The following AGAP1 variants were observed in gnomAD, a reference collection of about 807,000 sequenced individuals.
The protein encoded by AGAP1 is ArfGAP with GTPase domain, ankyrin repeat and PH domain 1, also known as arf-GAP with GTPase, ANK repeat and PH domain-containing protein 1.
AGAP1 carries 29 observed loss-of-function variants against 105.3 expected under a neutral mutation model. The observed-to-expected ratio is 0.28, with a 90% confidence interval of 0.21 to 0.38. The LOEUF (loss-of-function observed/expected upper bound fraction) is 0.38, where lower values mean the gene tolerates loss of function less well. Among genes scored for constraint, AGAP1 ranks in the 10% least tolerant of loss-of-function variants. The probability of loss-of-function intolerance (pLI) is 1.00; values close to 1 mark genes in which losing one functional copy is unlikely to be tolerated. For synonymous variants in AGAP1, 509 were observed against 485.9 expected (o/e 1.05, Z -0.63); for missense variants, 998 against 1,165.1 (o/e 0.86, Z 2.09).
chr2:236,035,828 A>T lies in AGAP1; in HGVS notation c.1646-733A>T, dbSNP rs564761283. Among the ~76,000 whole-genome samples, 1 of 152,316 alleles carries T rather than the reference A, an allele frequency of 6.6e-6. No individual in the cohort carries two copies. Among genetic ancestry groups the T allele is most frequent in the South Asian group, 2.1e-4 (1 of 4,828 alleles). On this transcript the variant is annotated intron_variant, in intron 13 of 17. Coordinates refer to ENST00000304032, the MANE Select transcript of AGAP1 (RefSeq NM_001037131.3). The surrounding 1 kb of genome is among the most constrained non-coding windows in gnomAD (Gnocchi z 4.2). ...TGGAACTAGCAGAAAAGCATTAGAC[A>T]GTCGGTGCCCTTTTCCTTCATTTTA...
intron 9 of AGAP1, among the ~76,000 whole-genome samples, chr2:235,852,193 A>C (rs1216514017): frequency 2.6e-5 from 4 of 152,248 alleles, no homozygotes; most frequent in African/African-American, 4.8e-5. Flanking sequence ...ACTCGGGAAG[A>C]GGAAAAACGG....
At position 236,114,564 on chromosome 2, in the gene AGAP1, G is replaced by T. The variant is rs140649033; in HGVS notation, c.2115-5628G>T. ...AGTCTGGAGTCAGGGTGCCCGCAGGGTTGGTTCTGGTGAGACCTCTCTCCC... is the reference window on the plus strand; with the variant it reads ...AGTCTGGAGTCAGGGTGCCCGCAGGTTTGGTTCTGGTGAGACCTCTCTCCC... On this transcript the variant is annotated intron_variant, in intron 16 of 17. Transcript: ENST00000304032. This position sits in a 1 kb window ranked among gnomAD's most constrained non-coding sequence, Gnocchi z 5.0. Among the ~76,000 whole-genome samples the T allele has an allele frequency of 6.6e-6, 1 of 152,314 alleles. No individual in the cohort carries two copies. Among genetic ancestry groups the T allele is most frequent in the African/African-American group, 2.4e-5 (1 of 41,570 alleles).
At chr2:235,542,748 T>A (rs1172735839) in intron 1 of AGAP1, among the ~76,000 whole-genome samples, 2 of 152,220 alleles carry the variant, frequency 1.3e-5, no homozygotes, top group African/African-American at 4.8e-5. Flanking sequence ...TCAATCTCTA[T>A]GTAAGTAATA....
intron 9 of AGAP1, among the ~76,000 whole-genome samples, chr2:235,849,407 T>C (rs1177618212): frequency 6.6e-6 from 1 of 152,202 alleles, no homozygotes; most frequent in Non-Finnish European, 1.5e-5. Flanking sequence ...CGAAATCAAA[T>C]GTAAAAGTGA....
At position 235,874,297 on chromosome 2, in the gene AGAP1, C is replaced by T. The variant is rs111388544; in HGVS notation, c.1051-9048C>T. ...ATCTCCTGACCTTGTGATCTGCCGG[C>T]CTCGGCCTCCCAAAGTGCTGGGGTT... On this transcript the variant is annotated intron_variant, in intron 9 of 17. Transcript: ENST00000304032. The surrounding 1 kb of genome is among the most constrained non-coding windows in gnomAD (Gnocchi z 4.5). Among the ~76,000 whole-genome samples the T allele has an allele frequency of 0.022, 3,331 of 152,252 alleles. 112 individuals carry two copies. Among genetic ancestry groups the T allele is most frequent in the African/African-American group, 0.076 (3,173 of 41,532 alleles).
intron 15 of AGAP1, 101 bp from the exon 16 acceptor site, chr2:236,048,958 G>T: frequency 8.7e-7 from 1 of 1,148,754 alleles, no homozygotes; most frequent in South Asian, 1.4e-5. Context: ...TGGTTCTGTC[G>T]TTGTGAAGTT....
Position 235,633,512 on chromosome 2 carries a change from G to A in AGAP1, c.164-75667G>A, listed in dbSNP as rs184081074. Among the ~76,000 whole-genome samples the A allele has an allele frequency of 2.8e-3, 428 of 152,254 alleles. 1 individual carries two copies. Among genetic ancestry groups the A allele is most frequent in the South Asian group, 7.5e-3 (36 of 4,816 alleles). The stretch of plus-strand genomic sequence containing the variant: ...GGGGGCTAAAGCAGGAGAATCCCTC[G>A]AACCCAGGAGGAGGAGGTTGCAGTG... On this transcript the variant is annotated intron_variant, in intron 1 of 17. Transcript: ENST00000304032. This position sits in a 1 kb window ranked among gnomAD's most constrained non-coding sequence, Gnocchi z 4.8.
intron 4 of AGAP1, among the ~76,000 whole-genome samples, chr2:235,742,847 G>C (rs1575292884): frequency 6.6e-6 from 1 of 152,134 alleles, no homozygotes; most frequent in East Asian, 1.9e-4. Context: ...AGTATATGAA[G>C]CACAAAAGCT....
chr2:235,853,141 C>T (rs779854318), intron 9 of AGAP1: 14 of 1,165,942 alleles, frequency 1.2e-5, no homozygotes, highest in Middle Eastern at 3.4e-4. Flanking sequence ...CATTTACTGG[C>T]GCTTTGCATG....
Position 235,976,986 on chromosome 2 carries a change from C to T in AGAP1, c.1645+8363C>T, listed in dbSNP as rs1458855739. The stretch of plus-strand genomic sequence containing the variant: ...AGCCTGCTACACAGAAGCATAAACT[C>T]ACCTTTGAAAAATGCTGACTACTCA... On this transcript the variant is annotated intron_variant, in intron 13 of 17. Coordinates refer to ENST00000304032, the MANE Select transcript of AGAP1 (RefSeq NM_001037131.3). This position sits in a 1 kb window ranked among gnomAD's most constrained non-coding sequence, Gnocchi z 4.5. Among the ~76,000 whole-genome samples, 1 of 152,208 alleles carries T rather than the reference C, an allele frequency of 6.6e-6. No homozygotes were observed. Among genetic ancestry groups the T allele is most frequent in the Non-Finnish European group, 1.5e-5 (1 of 68,036 alleles).
intron 6 of AGAP1, among the ~76,000 whole-genome samples, chr2:235,766,313 C>G (rs1954947365): frequency 6.6e-6 from 1 of 152,172 alleles, no homozygotes; most frequent in South Asian, 2.1e-4. Context: ...GGGTCTGTGA[C>G]AAGGTCTGAG....
Position 235,778,886 on chromosome 2 carries a change from C to G in AGAP1, c.674-18873C>G, listed in dbSNP as rs912994137. 2.6e-5 allele frequency among the ~76,000 whole-genome samples: 4 copies of G among 152,362 alleles called. 1 individual carries two copies. In the South Asian group the frequency reaches 8.3e-4, roughly 32 times the overall value. ...TGTCACCTGCATCTCTGTGGCCTCT[C>G]CAGCCCCGTGGCAGTCCTCACTGCA... On this transcript the variant is annotated intron_variant, in intron 6 of 17. Transcript: ENST00000304032.
Position 235,659,324 on chromosome 2 carries a change from A to T in AGAP1, c.164-49855A>T, listed in dbSNP as rs1947875177. ...CTCTCTGTGGCACTTTGGGGGTAGA[A>T]TGGATGAACTGAATTAACGTCTGAA... On this transcript the variant is annotated intron_variant, in intron 1 of 17. Transcript: ENST00000304032. This position sits in a 1 kb window ranked among gnomAD's most constrained non-coding sequence, Gnocchi z 5.0. Among the ~76,000 whole-genome samples the T allele has an allele frequency of 6.6e-6, 1 of 152,222 alleles. No individual in the cohort carries two copies. Among genetic ancestry groups the T allele is most frequent in the Non-Finnish European group, 1.5e-5 (1 of 68,038 alleles).
In AGAP1 at chr2:235,825,493, T is replaced by C. The variant is rs540112468; in HGVS notation, c.1050+18162T>C. Among the ~76,000 whole-genome samples the C allele has an allele frequency of 1.4e-4, 22 of 152,360 alleles. No homozygotes were observed. The South Asian group carries it at 3.9e-3, about 27-fold the overall frequency. ...CTATTGCCCTTCCCGTGATCACTTA[T>C]GCATATAAATATCATTATGCTTTTG... is the stretch of plus-strand genomic sequence containing the variant. On this transcript the variant is annotated intron_variant, in intron 9 of 17. Coordinates refer to ENST00000304032, the MANE Select transcript of AGAP1 (RefSeq NM_001037131.3).
chr2:236,029,391 T>A (rs1305431233), intron 13 of AGAP1, among the ~76,000 whole-genome samples: 5 of 151,584 alleles, frequency 3.3e-5, no homozygotes, highest in African/African-American at 1.2e-4. Flanking sequence ...TTCTCCTGCC[T>A]CAGCCTCCTG....
chr2:235,698,289 G>A (rs1017173288), intron 1 of AGAP1, among the ~76,000 whole-genome samples: 7 of 149,834 alleles, frequency 4.7e-5, no homozygotes, highest in South Asian at 2.1e-4. Context: ...TTGCTCACAC[G>A]CTGCTCACCT....
At chr2:235,778,328 T>C (rs1453469391) in intron 6 of AGAP1, among the ~76,000 whole-genome samples, 1 of 152,206 alleles carries the variant, frequency 6.6e-6, no homozygotes, top group Non-Finnish European at 1.5e-5. Context: ...TTCCCCCAGT[T>C]CTTTGACCAG....
At chr2:236,028,842 G>GT (rs1313594011) in intron 13 of AGAP1, among the ~76,000 whole-genome samples, 2 of 152,180 alleles carry the variant, frequency 1.3e-5, no homozygotes, top group African/African-American at 4.8e-5. Flanking sequence ...ACATTGTGGG[G>GT]TTTAGGGATA....
intron 6 of AGAP1, among the ~76,000 whole-genome samples, chr2:235,790,865 A>G (rs545765803): frequency 6.6e-6 from 1 of 152,312 alleles, no homozygotes; most frequent in African/African-American, 2.4e-5. Context: ...GTCTTGGAAC[A>G]TGGGCTGACT....
Sources: allele counts gnomAD v4.1 joint callset (sites outside exome capture counted in the v4.1 genomes callset), GRCh38; gene constraint gnomAD v4.1.1; non-coding constraint Gnocchi (gnomAD v3.1); transcripts MANE v1.5; gene names NCBI Gene and HGNC (gene_info 2026-07-23, HGNC 2026-07-21).